ARHGEF3: variants seen among roughly 807,000 people sequenced by gnomAD.
ARHGEF3 encodes Rho guanine nucleotide exchange factor 3, also known as 59.8 kDA protein.
ARHGEF3 carries 28 observed loss-of-function variants against 63.2 expected under a neutral mutation model. That is an observed-to-expected ratio of 0.44 (90% CI 0.33 to 0.61). ARHGEF3 has a LOEUF of 0.61. Ranked by LOEUF, ARHGEF3 falls within the 20% of genes least tolerant of loss-of-function variation. The pLI is 0.03. For synonymous variants in ARHGEF3, 266 were observed against 254.2 expected (o/e 1.05, Z -0.44); for missense variants, 533 against 659.3 (o/e 0.81, Z 2.10).
chr3:56,985,086 TG>T (rs1701481575), intron 2 of ARHGEF3, among the ~76,000 whole-genome samples: 1 of 89,170 alleles, frequency 1.1e-5, no homozygotes, highest in Non-Finnish European at 2.6e-5. Flanking sequence ...CAGAAACACA[TG>T]ATTTGATTTG....
At chr3:57,044,375 T>A (rs996794987) in intron 1 of ARHGEF3, among the ~76,000 whole-genome samples, 3 of 152,176 alleles carry the variant, frequency 2.0e-5, no homozygotes, top group Non-Finnish European at 4.4e-5. Context: ...GAGGCAAAGC[T>A]GCACAGTACC....
intron 2 of ARHGEF3, among the ~76,000 whole-genome samples, chr3:56,971,314 A>G: frequency 6.6e-6 from 1 of 152,250 alleles, no homozygotes; most frequent in South Asian, 2.1e-4. Flanking sequence ...CAAGCCTGAC[A>G]TGGGGCTGTG....
chr3:56,731,055 A>G (rs977240892), intron 9 of ARHGEF3, among the ~76,000 whole-genome samples: 19 of 152,230 alleles, frequency 1.2e-4, no homozygotes, highest in African/African-American at 3.6e-4. Context: ...TGCTTATACA[A>G]TGCCTGGCAC....
chr3:56,870,191 T>C (rs991228099), intron 4 of ARHGEF3, among the ~76,000 whole-genome samples: 6 of 152,120 alleles, frequency 3.9e-5, no homozygotes, highest in Non-Finnish European at 7.4e-5. Context: ...TTTTATGCAA[T>C]AATAAGCAGC....
chr3:56,908,427 C>T (rs1011121349), intron 3 of ARHGEF3, among the ~76,000 whole-genome samples: 1 of 152,146 alleles, frequency 6.6e-6, no homozygotes, highest in South Asian at 2.1e-4. Context: ...TGGGCAAGAA[C>T]TGAAGGACAG....
chr3:56,857,044 A>G (rs2039910988), intron 4 of ARHGEF3, among the ~76,000 whole-genome samples: 2 of 152,204 alleles, frequency 1.3e-5, no homozygotes, highest in South Asian at 4.1e-4. Context: ...ACTGATAACA[A>G]AGCCAAGATA....
At chr3:57,007,866 A>C (rs1381627413) in intron 2 of ARHGEF3, among the ~76,000 whole-genome samples, 1 of 152,232 alleles carries the variant, frequency 6.6e-6, no homozygotes, top group Admixed American at 6.5e-5. Flanking sequence ...ATAACAGGAA[A>C]CATTCATTTC....
chr3:56,984,050 G>A (rs1485844826), intron 2 of ARHGEF3, among the ~76,000 whole-genome samples: 1 of 151,962 alleles, frequency 6.6e-6, no homozygotes, highest in African/African-American at 2.4e-5. Context: ...GAGCACTCAT[G>A]GGGGCACCTT....
chr3:57,001,073 G>A (rs914160641), intron 2 of ARHGEF3, among the ~76,000 whole-genome samples: 2 of 151,948 alleles, frequency 1.3e-5, no homozygotes, highest in Non-Finnish European at 2.9e-5. Context: ...CCAAGTAGCT[G>A]GAACTACAGG....
rs112048146 is a variant in ARHGEF3 at position 56,762,973 on chromosome 3, G to A, written c.205-7822C>T. 9.0e-3 allele frequency among the ~76,000 whole-genome samples: 1,374 copies of A among 152,264 alleles called. 22 individuals are homozygous for A. Among genetic ancestry groups the A allele is most frequent in the African/African-American group, 0.03 (1,230 of 41,572 alleles). The stretch of plus-strand genomic sequence containing the variant: ...CCTCATGCTAATCCTAGGAGAGGAT[G>A]AGTAATTTGAGTAGCAGAGTGGTAA... On this transcript the variant is annotated intron_variant, in intron 2 of 9. Transcript: ENST00000296315.
chr3:56,914,539 C>A (rs2041935716), intron 3 of ARHGEF3, among the ~76,000 whole-genome samples: 1 of 152,072 alleles, frequency 6.6e-6, no homozygotes, highest in Non-Finnish European at 1.5e-5. Context: ...TAATGAAATG[C>A]AAAATATGTA....
chr3:56,811,048 G>C (rs906121484), intron 4 of ARHGEF3, among the ~76,000 whole-genome samples: 1 of 152,164 alleles, frequency 6.6e-6, no homozygotes, highest in Non-Finnish European at 1.5e-5. Flanking sequence ...CTCTTAATTT[G>C]TTCATCCAAA....
At chr3:57,010,116 G>C (rs929675923) in intron 2 of ARHGEF3, among the ~76,000 whole-genome samples, 1 of 152,102 alleles carries the variant, frequency 6.6e-6, no homozygotes, top group African/African-American at 2.4e-5. Context: ...TAGATATTCA[G>C]AATTCAGGGA....
intron 1 of ARHGEF3, among the ~76,000 whole-genome samples, chr3:57,069,579 T>C (rs1705767987): frequency 6.6e-6 from 1 of 152,214 alleles, no homozygotes; most frequent in African/African-American, 2.4e-5. Flanking sequence ...GAAAATAAAA[T>C]CATGTATTTG....
chr3:56,883,602 C>G (rs1436154546), intron 3 of ARHGEF3, among the ~76,000 whole-genome samples: 6 of 152,160 alleles, frequency 3.9e-5, no homozygotes, highest in Non-Finnish European at 8.8e-5. Flanking sequence ...TGGCCTTTTT[C>G]TTTTCATTAG....
chr3:56,933,109 C>T lies in ARHGEF3; in HGVS notation c.129+25714G>A, dbSNP rs149671681. Among the ~76,000 whole-genome samples, 333 of 152,240 alleles carry T rather than the reference C, an allele frequency of 2.2e-3. 2 individuals carry two copies. The highest frequency in any genetic ancestry group is 7.5e-3 in the African/African-American group (312 of 41,562). ...AGTCAGAACCGAATCTACTGCCAAG[C>T]GTCACAAGATACACAAGATCTGAAT... On this transcript the variant is annotated intron_variant, in intron 3 of 12. Transcript: ENST00000338458.
intron 8 of ARHGEF3, among the ~76,000 whole-genome samples, chr3:56,735,076 G>A (rs992835520): frequency 3.3e-5 from 5 of 152,132 alleles, no homozygotes; most frequent in Admixed American, 6.5e-5. Flanking sequence ...TTGAGGTCAG[G>A]AATTCAAGAA....
At chr3:56,871,814 T>C (rs952286138) in intron 4 of ARHGEF3, among the ~76,000 whole-genome samples, 1 of 152,194 alleles carries the variant, frequency 6.6e-6, no homozygotes, top group Non-Finnish European at 1.5e-5. Context: ...TCTTCAAGCT[T>C]AGATGGAAAA....
intron 3 of ARHGEF3, among the ~76,000 whole-genome samples, chr3:56,894,392 T>C (rs1169063751): frequency 6.6e-6 from 1 of 152,236 alleles, no homozygotes; most frequent in Non-Finnish European, 1.5e-5. Context: ...CTGAGTATCC[T>C]ACTGTTCCTG....
Sources: gnomAD v4.1 joint callset for allele counts (sites outside exome capture counted in the v4.1 genomes callset) on GRCh38, gnomAD v4.1.1 for gene constraint, MANE v1.5 for transcripts, NCBI Gene and HGNC (gene_info 2026-07-23, HGNC 2026-07-21) for gene names.